The following QTMAN variants were observed in gnomAD, a reference collection of about 807,000 sequenced individuals.
The protein encoded by QTMAN is queuosine-tRNA mannosyltransferase, also known as tRNA-queuosine alpha-mannosyltransferase.
At chr2:144,019,879 A>C in the QTMAN span, among the ~76,000 whole-genome samples, 2 of 152,298 alleles carry the variant, frequency 1.3e-5, no homozygotes, top group East Asian at 3.9e-4. Flanking sequence ...AACTAAACTG[A>C]CTTAGTGAAA....
At chr2:143,976,664 C>T in the QTMAN span, among the ~76,000 whole-genome samples, 8 of 152,334 alleles carry the variant, frequency 5.3e-5, no homozygotes, top group East Asian at 5.8e-4. Flanking sequence ...GTGCTTTGAA[C>T]GTTAATTCAG....
chr2:144,253,548 G>A, the QTMAN span, among the ~76,000 whole-genome samples: 5 of 152,244 alleles, frequency 3.3e-5, no homozygotes, highest in African/African-American at 1.2e-4. Context: ...GGTCTCAGAT[G>A]GAGATGAGGA....
the QTMAN span, among the ~76,000 whole-genome samples, chr2:144,332,208 G>A: frequency 9.2e-5 from 14 of 152,026 alleles, no homozygotes; most frequent in South Asian, 2.9e-3. Flanking sequence ...GCGCGGTGCG[G>A]ACGGCGGCGC....
At chr2:144,327,423 T>C in the QTMAN span, among the ~76,000 whole-genome samples, 1 of 151,746 alleles carries the variant, frequency 6.6e-6, no homozygotes, top group African/African-American at 2.4e-5. Flanking sequence ...AGGCAGAAAA[T>C]TAAACACTTG....
the QTMAN span, among the ~76,000 whole-genome samples, chr2:144,192,022 T>G: frequency 6.6e-6 from 1 of 152,104 alleles, no homozygotes; most frequent in Non-Finnish European, 1.5e-5. Context: ...ATACTTGAAG[T>G]AAAGGGTGAA....
At chr2:144,101,639 T>C in the QTMAN span, among the ~76,000 whole-genome samples, 1 of 152,126 alleles carries the variant, frequency 6.6e-6, no homozygotes, top group Non-Finnish European at 1.5e-5. Flanking sequence ...CCAGGTTAAG[T>C]ACCTCAAGAC....
At chr2:144,327,442 C>T in the QTMAN span, among the ~76,000 whole-genome samples, 1 of 152,206 alleles carries the variant, frequency 6.6e-6, no homozygotes, top group East Asian at 1.9e-4. Context: ...TGAAAAATAA[C>T]GAGCTACCAT....
the QTMAN span, among the ~76,000 whole-genome samples, chr2:144,109,747 TC>T: frequency 1.3e-5 from 2 of 151,570 alleles, no homozygotes; most frequent in African/African-American, 2.4e-5. Context: ...AACAGACACT[TC>T]TCAAAAGAAG....
the QTMAN span, among the ~76,000 whole-genome samples, chr2:144,019,670 TC>T: frequency 6.6e-6 from 1 of 152,066 alleles, no homozygotes; most frequent in East Asian, 1.9e-4. Context: ...CCTATGCAGC[TC>T]CCACTTCAAC....
At chr2:144,081,602 C>A in the QTMAN span, among the ~76,000 whole-genome samples, 2 of 151,718 alleles carry the variant, frequency 1.3e-5, no homozygotes, top group Non-Finnish European at 2.9e-5. Flanking sequence ...CCCTAATAAA[C>A]CTTGAAGGAA....
chr2:144,284,855 A>C, the QTMAN span, among the ~76,000 whole-genome samples: 1 of 152,076 alleles, frequency 6.6e-6, no homozygotes, highest in Non-Finnish European at 1.5e-5. Flanking sequence ...CAACACGGCA[A>C]GACCTCATCT....
the QTMAN span, chr2:144,145,725 C>G: frequency 1.9e-6 from 3 of 1,609,740 alleles, no homozygotes; most frequent in Non-Finnish European, 1.7e-6. Flanking sequence ...AAGCACTGAA[C>G]TTGCAAAGAG....
At chr2:143,976,122 G>A in the QTMAN span, among the ~76,000 whole-genome samples, 1 of 151,968 alleles carries the variant, frequency 6.6e-6, no homozygotes, top group African/African-American at 2.4e-5. Context: ...GAAGAGACTG[G>A]GTCTGCATCT....
At chr2:144,097,178 C>T in the QTMAN span, among the ~76,000 whole-genome samples, 1 of 152,198 alleles carries the variant, frequency 6.6e-6, no homozygotes, top group African/African-American at 2.4e-5. Flanking sequence ...TAATTCTATG[C>T]TCACAGGATT....
At chr2:144,256,801 C>T in the QTMAN span, among the ~76,000 whole-genome samples, 1 of 151,858 alleles carries the variant, frequency 6.6e-6, no homozygotes, top group Non-Finnish European at 1.5e-5. Context: ...ACAGATGCAG[C>T]AAACCACCAT....
At chr2:143,947,599 G>A in the QTMAN span, among the ~76,000 whole-genome samples, 1 of 152,062 alleles carries the variant, frequency 6.6e-6, no homozygotes, top group East Asian at 1.9e-4. Context: ...TTTATAACAG[G>A]TTTATATTCA....
the QTMAN span, among the ~76,000 whole-genome samples, chr2:144,151,658 C>A: frequency 6.6e-6 from 1 of 152,116 alleles, no homozygotes; most frequent in Non-Finnish European, 1.5e-5. Context: ...ACTTCCAAAG[C>A]ACCTTGACAG....
At chr2:143,941,459 G>A in the QTMAN span, 2 of 152,390 alleles carry the variant, frequency 1.3e-5, no homozygotes, top group East Asian at 3.9e-4. Context: ...TGGATCACGA[G>A]GTCAGGAGAT....
At chr2:144,127,016 C>T in the QTMAN span, among the ~76,000 whole-genome samples, 1 of 151,884 alleles carries the variant, frequency 6.6e-6, no homozygotes, top group South Asian at 2.1e-4. Flanking sequence ...CTTTTTAGAA[C>T]ACACACAAAA....
Sources: gnomAD v4.1 joint callset for allele counts (sites outside exome capture counted in the v4.1 genomes callset) on GRCh38, gnomAD v4.1.1 for gene constraint, MANE v1.5 for transcripts, NCBI Gene and HGNC (gene_info 2026-07-23, HGNC 2026-07-21) for gene names.